Variants in FAH observed in about 807,000 individuals in gnomAD.
The protein encoded by FAH is fumarylacetoacetase.
FAH carries 47 observed loss-of-function variants against 55.8 expected under a neutral mutation model. The observed-to-expected ratio is 0.84, with a 90% confidence interval of 0.67 to 1.07. FAH has a LOEUF of 1.07. Ranked by LOEUF, FAH falls within the 50% of genes least tolerant of loss-of-function variation. FAH has a pLI of 0.00. For missense variants in FAH, 495 were observed against 545.9 expected (o/e 0.91, Z 0.93); for synonymous variants, 199 against 207.7 (o/e 0.96, Z 0.36).
At position 80,160,397 on chromosome 15, in the gene FAH, T is replaced by C; in HGVS notation, c.315-13T>C. On this transcript the variant is annotated splice_polypyrimidine_tract_variant and intron_variant, in intron 3 of 13. Transcript: ENST00000561421. Reference sequence around the variant, plus strand: ...GCCTACTTGACTTTGAAGCCCCTGGTTCTGTGTTTCAGTGCATTCATCTCC... The same window carrying C: ...GCCTACTTGACTTTGAAGCCCCTGGCTCTGTGTTTCAGTGCATTCATCTCC... The C allele has an allele frequency of 1.2e-6, 2 of 1,614,126 alleles. No individual in the cohort carries two copies. The highest frequency in any genetic ancestry group is 1.7e-6 in the Non-Finnish European group (2 of 1,179,976).
intron 1 of FAH, chr15:80,157,843 C>G (rs1289597593): frequency 6.7e-6 from 4 of 596,620 alleles, no homozygotes; most frequent in East Asian, 5.7e-5. Context: ...CTTTCCCATT[C>G]AGGGAACACA....
chr15:80,154,386 G>A (rs1260319356), intron 1 of FAH, among the ~76,000 whole-genome samples: 3 of 152,216 alleles, frequency 2.0e-5, no homozygotes, highest in African/African-American at 7.2e-5. Flanking sequence ...ATTAATATCC[G>A]TTAGAGTGTG....
chr15:80,181,526 G>T (rs1362925576), intron 13 of FAH, among the ~76,000 whole-genome samples: 1 of 152,120 alleles, frequency 6.6e-6, no homozygotes, highest in Non-Finnish European at 1.5e-5. Context: ...CTGAGGCTTC[G>T]CAGCAGCCTG....
chr15:80,177,971 G>A (rs1289071043), intron 11 of FAH, among the ~76,000 whole-genome samples: 2 of 152,152 alleles, frequency 1.3e-5, no homozygotes, highest in African/African-American at 4.8e-5. Context: ...AGGCCAAAGT[G>A]GGAGGATCGC....
At chr15:80,177,633 G>C in intron 11 of FAH, 50 bp downstream of exon 11, 11 of 1,514,826 alleles carry the variant, frequency 7.3e-6, no homozygotes, top group Non-Finnish European at 1.0e-5. Flanking sequence ...GGGAAAGAGA[G>C]ACTTTTCTTC....
At chr15:80,157,660 T>A in intron 1 of FAH, 1 of 333,426 alleles carries the variant, frequency 3.0e-6, no homozygotes, top group Non-Finnish European at 5.9e-6. Flanking sequence ...TGAACTACCC[T>A]AGTCAAGGCC....
rs746385071 is a variant in FAH, at chr15:80,168,117, G to T, written c.521G>T (p.Arg174Leu). The stretch of plus-strand genomic sequence containing the variant: ...GTCGTGGTGTCTGGCACCCCAATCC[G>T]AAGGCCCATGGGACAGATGAAACCT... The part of the protein sequence containing the change: ...SSVVVSGTPI[R>L]RPMGQMKPDD... The change falls in exon 6 of 14, where the codon CGA becomes CTA. Residue 174 changes from arginine (R) to leucine (L), a missense_variant. By Grantham distance (102) the Arg-to-Leu change is moderately radical. Coordinates refer to ENST00000561421, the MANE Select transcript of FAH (RefSeq NM_000137.4). The T allele has an allele frequency of 6.2e-7, 1 of 1,614,070 alleles. No homozygotes were observed. The highest frequency in any genetic ancestry group is 2.2e-5 in the East Asian group (1 of 44,870).
At chr15:80,174,225 C>T (rs1226565705) in intron 9 of FAH, among the ~76,000 whole-genome samples, 7 of 152,196 alleles carry the variant, frequency 4.6e-5, no homozygotes, top group Admixed American at 4.6e-4. Context: ...AGGCCACAGC[C>T]TCTCTTTGCT....
At chr15:80,157,643 G>A (rs763746456) in intron 1 of FAH, 6 of 306,814 alleles carry the variant, frequency 2.0e-5, no homozygotes, top group Non-Finnish European at 3.8e-5. Context: ...ATGCTCCACC[G>A]CACAACTGAA....
intron 1 of FAH, chr15:80,156,382 A>G (rs1167253600): frequency 6.5e-6 from 1 of 153,342 alleles, no homozygotes; most frequent in Non-Finnish European, 1.5e-5. Context: ...CTGTATATCT[A>G]ATTTGTATTA....
chr15:80,160,563 TG>T (rs1033547802), intron 4 of FAH, 104 bp downstream of exon 4: 9 of 1,088,442 alleles, frequency 8.3e-6, no homozygotes, highest in Non-Finnish European at 1.1e-5. Context: ...TCCCTGCTGG[TG>T]GGGGGAGATG....
At chr15:80,165,271 G>C (rs577610344) in intron 5 of FAH, among the ~76,000 whole-genome samples, 47 of 152,068 alleles carry the variant, frequency 3.1e-4, no homozygotes, top group Admixed American at 2.6e-3. Context: ...GCTCACGCCT[G>C]TAATCCCACA....
intron 1 of FAH, 34 bp downstream of exon 1, chr15:80,153,169 G>T: frequency 6.9e-7 from 1 of 1,441,562 alleles, no homozygotes; most frequent in Non-Finnish European, 9.4e-7. Flanking sequence ...CGGGCGCGGG[G>T]AGGGAGTGGA....
At chr15:80,171,141 C>T (rs1017153144) in intron 7 of FAH, among the ~76,000 whole-genome samples, 17 of 151,672 alleles carry the variant, frequency 1.1e-4, no homozygotes, top group Admixed American at 7.2e-4. Flanking sequence ...ATGTGCACAA[C>T]GTGCAGGTTT....
chr15:80,160,263 A>C, intron 3 of FAH, 147 bp from the exon 4 acceptor site: 1 of 805,472 alleles, frequency 1.2e-6, no homozygotes, highest in South Asian at 1.4e-5. Context: ...CAGCTGTGAA[A>C]GGTTCAGCAT....
chr15:80,159,009 G>T (rs1216851134), intron 2 of FAH, among the ~76,000 whole-genome samples: 1 of 151,926 alleles, frequency 6.6e-6, no homozygotes, highest in Non-Finnish European at 1.5e-5. Context: ...AGGCCGATGT[G>T]GGCAGATCAC....
chr15:80,177,606 C>A, intron 11 of FAH, 23 bp downstream of exon 11: 1 of 1,607,462 alleles, frequency 6.2e-7, no homozygotes, highest in Non-Finnish European at 8.5e-7. Flanking sequence ...GCTGATCAGA[C>A]TGCTTTTTAG....
intron 13 of FAH, among the ~76,000 whole-genome samples, chr15:80,182,951 G>A (rs936488901): frequency 2.6e-5 from 4 of 152,238 alleles, no homozygotes; most frequent in African/African-American, 7.2e-5. Context: ...TGTGATAAGG[G>A]CCCCTGACTA....
intron 1 of FAH, among the ~76,000 whole-genome samples, chr15:80,154,062 G>T (rs2041077814): frequency 6.6e-6 from 1 of 152,178 alleles, no homozygotes; most frequent in Non-Finnish European, 1.5e-5. Flanking sequence ...CCTGTCTGCG[G>T]TAAGTGCTTT....
Sources: allele counts gnomAD v4.1 joint callset (sites outside exome capture counted in the v4.1 genomes callset), GRCh38; gene constraint gnomAD v4.1.1; transcripts MANE v1.5; gene names NCBI Gene and HGNC (gene_info 2026-07-23, HGNC 2026-07-21).